PCDHGA8: variants seen among roughly 807,000 people sequenced by gnomAD.
The protein encoded by PCDHGA8 is protocadherin gamma-A8.
In PCDHGA8, 45 loss-of-function variants were observed where a neutral mutation model predicts 59.2. The ratio of observed to expected loss-of-function variants is 0.76; its 90% CI spans 0.60 to 0.98. PCDHGA8 has a LOEUF of 0.98. PCDHGA8 is among the 50% of genes least tolerant of loss of function. The pLI is 0.00. For missense variants in PCDHGA8, 1,257 were observed against 1,196.2 expected, an observed-to-expected ratio of 1.05 and a Z score of -0.75; for synonymous variants, 531 against 519.0, an observed-to-expected ratio of 1.02 and a Z score of -0.32.
At chr5:141,413,336 A>G (rs1561741680) in intron 1 of PCDHGA8, 1 of 1,613,972 alleles carries the variant, frequency 6.2e-7, no homozygotes, top group Non-Finnish European at 8.5e-7. Flanking sequence ...AACATCTCCA[A>G]GGACTTGGGT....
In PCDHGA8 at chr5:141,393,329, C is replaced by T; in HGVS notation, c.516C>T (p.Leu172=). The T allele has an allele frequency of 6.2e-7, 1 of 1,611,240 alleles. No individual in the cohort carries two copies. Among genetic ancestry groups the T allele is most frequent in the South Asian group, 1.1e-5 (1 of 90,966 alleles). Residue 172 remains leucine, a synonymous_variant, in exon 1 of 4, where the codon CTC becomes CTT. Transcript: ENST00000398604. Reference sequence around the variant, plus strand: ...TGAACTCCCTCCAGAGCTACCAGCTCAGCCCCAATCACCACTTCTCCCTGG... The same window carrying T: ...TGAACTCCCTCCAGAGCTACCAGCTTAGCCCCAATCACCACTTCTCCCTGG... The part of the protein sequence containing the change: ...VGVNSLQSYQ[L]SPNHHFSLDV...
chr5:141,392,740 G>A lies in PCDHGA8; in HGVS notation c.-74G>A. On this transcript the variant is annotated 5_prime_UTR_variant, in exon 1 of 4. It removes the in-frame stop codon of an upstream open reading frame in the 5' UTR. Coordinates refer to ENST00000398604, the MANE Select transcript of PCDHGA8 (RefSeq NM_032088.2). ...TTTCCGGAGGATTGTCATCTCCATA[G>A]CTGCGGCAAGAAACTAAATAAGACC... 1.4e-6 allele frequency: 2 copies of A among 1,435,578 alleles called. No individual in the cohort carries two copies. 88.9% of individuals were successfully genotyped at this position (1,435,578 alleles called of 1,614,324 possible).
chr5:141,408,769 C>A (rs754783489), intron 1 of PCDHGA8: 3 of 1,611,166 alleles, frequency 1.9e-6, no homozygotes, highest in South Asian at 1.1e-5. Flanking sequence ...CCGATGGTGG[C>A]AAATACCCAG....
chr5:141,418,998 G>A (rs757681244), intron 1 of PCDHGA8: 4 of 1,613,940 alleles, frequency 2.5e-6, no homozygotes, highest in South Asian at 2.2e-5. Context: ...GGGGAAAATG[G>A]GGAAGTCAGG....
chr5:141,437,651 CAT>C (rs1255783396), intron 1 of PCDHGA8, among the ~76,000 whole-genome samples: 2 of 151,990 alleles, frequency 1.3e-5, no homozygotes, highest in Non-Finnish European at 2.9e-5. Context: ...AAAGCAAACA[CAT>C]AGTTTCGAAG....
At chr5:141,430,206 TTATTA>T (rs1267858049) in intron 1 of PCDHGA8, among the ~76,000 whole-genome samples, 2 of 151,984 alleles carry the variant, frequency 1.3e-5, no homozygotes, top group African/African-American at 4.8e-5. Flanking sequence ...AAAGTTTAAA[TTATTA>T]TATTATATGA....
At chr5:141,450,957 T>G (rs2154563418) in intron 1 of PCDHGA8, among the ~76,000 whole-genome samples, 1 of 152,010 alleles carries the variant, frequency 6.6e-6, no homozygotes, top group Non-Finnish European at 1.5e-5. Context: ...CCCAAGTAGC[T>G]GGGATTACAG....
chr5:141,417,211 T>C (rs1027777607), intron 1 of PCDHGA8: 1 of 152,174 alleles, frequency 6.6e-6, no homozygotes, highest in Admixed American at 6.5e-5. Context: ...TAGGCTAGAA[T>C]TGAAGACAAA....
chr5:141,399,030 G>C, intron 1 of PCDHGA8: 1 of 1,613,824 alleles, frequency 6.2e-7, no homozygotes, highest in Non-Finnish European at 8.5e-7. Flanking sequence ...CCACTCAAAA[G>C]AAACTGGATT....
intron 1 of PCDHGA8, chr5:141,423,565 C>G: frequency 1.2e-6 from 2 of 1,613,594 alleles, no homozygotes; most frequent in Non-Finnish European, 1.7e-6. Context: ...TGGGGACACG[C>G]TCATCAGCCA....
At chr5:141,397,467 G>A (rs1052329651) in intron 1 of PCDHGA8, among the ~76,000 whole-genome samples, 1 of 152,176 alleles carries the variant, frequency 6.6e-6, no homozygotes, top group East Asian at 1.9e-4. Flanking sequence ...ATATTGGGGA[G>A]TTGGAAATCA....
chr5:141,410,560 A>G (rs769354927), intron 1 of PCDHGA8: 3 of 1,612,824 alleles, frequency 1.9e-6, no homozygotes, highest in African/African-American at 1.3e-5. Flanking sequence ...TTTCTCCTGG[A>G]GCCTTAATTC....
At chr5:141,437,188 G>T (rs1303844523) in intron 1 of PCDHGA8, among the ~76,000 whole-genome samples, 1 of 152,146 alleles carries the variant, frequency 6.6e-6, no homozygotes, top group Non-Finnish European at 1.5e-5. Context: ...CTGGGCAATG[G>T]GTTTGGATGT....
chr5:141,408,488 T>C lies in PCDHGA8; in HGVS notation c.2424+13251T>C, dbSNP rs199936765. ...GAACCGAATAGACCGTGAGCAAATA[T>C]GCAAAGAGAGAAGAAGATGTGAGTT... On this transcript the variant is annotated intron_variant, in intron 1 of 3. Transcript: ENST00000398604. The C allele has an allele frequency of 8.1e-6, 13 of 1,613,894 alleles. No individual in the cohort carries two copies. The highest frequency in any genetic ancestry group is 4.0e-5 in the African/African-American group (3 of 74,922).
chr5:141,416,817 C>T (rs1197915095), intron 1 of PCDHGA8: 1 of 151,958 alleles, frequency 6.6e-6, no homozygotes, highest in Non-Finnish European at 1.5e-5. Flanking sequence ...AAAAAGCATT[C>T]CGAAGTTTCT....
In PCDHGA8 at chr5:141,494,676, C is replaced by T. The variant is rs2099755997; in HGVS notation, c.2425-131C>T. On this transcript the variant is annotated intron_variant, in intron 1 of 3. Transcript: ENST00000398604. ...TTTGTCTTTGGAGATGAGTCCACCCCTGCCCCCTCTTAGTCCGTTTTCTTC... is the reference window on the plus strand; with the variant it reads ...TTTGTCTTTGGAGATGAGTCCACCCTTGCCCCCTCTTAGTCCGTTTTCTTC... 1.7e-5 allele frequency: 26 copies of T among 1,550,800 alleles called. No individual in the cohort carries two copies. In the South Asian group the frequency reaches 3.0e-4, roughly 18 times the overall value.
In PCDHGA8 at chr5:141,487,135, A is replaced by T; in HGVS notation, c.2425-7672A>T. 6.2e-7 allele frequency: 1 copy of T among 1,613,544 alleles called. No individual in the cohort carries two copies. The highest frequency in any genetic ancestry group is 8.5e-7 in the Non-Finnish European group (1 of 1,179,856). ...TGGTAAAGGATAGTGGTAGTCCACC[A>T]CTCTCTACCTCTGTTACTCTCTTAG... On this transcript the variant is annotated intron_variant, in intron 1 of 3. Transcript: ENST00000398604. The surrounding 1 kb of genome is among the most constrained non-coding windows in gnomAD (Gnocchi z 5.0).
At chr5:141,421,583 G>A (rs765321947) in intron 1 of PCDHGA8, 1 of 1,613,796 alleles carries the variant, frequency 6.2e-7, no homozygotes, top group African/African-American at 1.3e-5. Context: ...AAGATTTACG[G>A]AGTGGAGGTG....
Position 141,491,478 on chromosome 5 carries a change from C to A in PCDHGA8, c.2425-3329C>A. ...CCCCGGACTTCTATAAGCAGTCCAG[C>A]CCCAACCTGCAGGTGAGCTCGGACG... On this transcript the variant is annotated intron_variant, in intron 1 of 3. Coordinates refer to ENST00000398604, the MANE Select transcript of PCDHGA8 (RefSeq NM_032088.2). The surrounding 1 kb of genome is among the most constrained non-coding windows in gnomAD (Gnocchi z 6.9). 6.2e-7 allele frequency: 1 copy of A among 1,614,068 alleles called. No individual in the cohort carries two copies. Among genetic ancestry groups the A allele is most frequent in the Non-Finnish European group, 8.5e-7 (1 of 1,180,004 alleles).
Sources: allele counts gnomAD v4.1 joint callset (sites outside exome capture counted in the v4.1 genomes callset), GRCh38; gene constraint gnomAD v4.1.1; non-coding constraint Gnocchi (gnomAD v3.1); transcripts MANE v1.5; gene names NCBI Gene and HGNC (gene_info 2026-07-23, HGNC 2026-07-21).